The following GALT variants were observed in gnomAD, a reference collection of about 807,000 sequenced individuals.
GALT encodes the protein UDP-glucose--hexose-1-phosphate uridylyltransferase.
A neutral mutation model predicts 55.4 loss-of-function variants in GALT; 42 were observed. The ratio of observed to expected loss-of-function variants is 0.76; its 90% confidence interval spans 0.59 to 0.98. GALT has a LOEUF of 0.98. Ranked by LOEUF, GALT falls within the 50% of genes least tolerant of loss-of-function variation. The pLI is 0.00. For missense variants in GALT, 407 were observed against 495.7 expected (o/e 0.82, Z 1.70); for synonymous variants, 154 against 181.5 (o/e 0.85, Z 1.22).
In GALT at chr9:34,648,664, T is replaced by G. The variant is rs1246530932; in HGVS notation, c.688-98T>G. On this transcript the variant is annotated intron_variant, in intron 7 of 10. Coordinates refer to ENST00000378842, the MANE Select transcript of GALT (RefSeq NM_000155.4). The surrounding 1 kb of genome is among the most constrained non-coding windows in gnomAD (Gnocchi z 4.9). ...GAGGTGGTGAGAAGACATCAGATCC[T>G]GGGCACATTCTTTTCTTCTGCTTCC... The G allele has an allele frequency of 1.3e-6, 2 of 1,543,546 alleles. No homozygotes were observed. The highest frequency in any genetic ancestry group is 1.7e-5 in the Admixed American group (1 of 59,918).
chr9:34,648,936 G>C lies in GALT; in HGVS notation c.820+42G>C. 1 of 1,613,846 alleles carries C rather than the reference G, an allele frequency of 6.2e-7. No individual in the cohort carries two copies. Among genetic ancestry groups the C allele is most frequent in the Non-Finnish European group, 8.5e-7 (1 of 1,179,950 alleles). On this transcript the variant is annotated intron_variant, in intron 8 of 10. Transcript: ENST00000378842. This position sits in a 1 kb window ranked among gnomAD's most constrained non-coding sequence, Gnocchi z 4.9. Reference sequence around the variant, plus strand: ...GGATCCTGGGGCTAGGCACTGGATGGAGGTTGCTCCCAGTAGGGTCAGCAT... The same window carrying C: ...GGATCCTGGGGCTAGGCACTGGATGCAGGTTGCTCCCAGTAGGGTCAGCAT...
In GALT at chr9:34,648,521, G is replaced by A. The variant is rs1486670645; in HGVS notation, c.687+65G>A. 2 of 1,612,044 alleles carry A rather than the reference G, an allele frequency of 1.2e-6. No individual in the cohort carries two copies. The highest frequency in any genetic ancestry group is 1.3e-5 in the African/African-American group (1 of 74,894). Reference sequence around the variant, plus strand: ...AACTTTCTTATCCCATGAGAGAGGTGTGTAAAGGAGAAAGCTAGAGGTGAA... The same window carrying A: ...AACTTTCTTATCCCATGAGAGAGGTATGTAAAGGAGAAAGCTAGAGGTGAA... On this transcript the variant is annotated intron_variant, in intron 7 of 10. Transcript: ENST00000378842. The surrounding 1 kb of genome is among the most constrained non-coding windows in gnomAD (Gnocchi z 4.9).
chr9:34,650,282 CAA>C (rs56121779), intron 10 of GALT, 85 bp from the exon 11 acceptor site: 444 of 576,320 alleles, frequency 7.7e-4, no homozygotes, highest in South Asian at 8.7e-4. Flanking sequence ...GACCTCGTCT[CAA>C]AAAAAAAAAA....
chr9:34,648,930 T>C lies in GALT; in HGVS notation c.820+36T>C. ...CAAGTAGGATCCTGGGGCTAGGCAC[T>C]GGATGGAGGTTGCTCCCAGTAGGGT... On this transcript the variant is annotated intron_variant, in intron 8 of 10. Transcript: ENST00000378842. The surrounding 1 kb of genome is among the most constrained non-coding windows in gnomAD (Gnocchi z 4.9). The C allele has an allele frequency of 3.1e-6, 5 of 1,613,878 alleles. No individual in the cohort carries two copies.
Position 34,649,062 on chromosome 9 carries a change from C to G in GALT, c.885C>G (p.Pro295=), listed in dbSNP as rs1554709446. 6.2e-7 allele frequency: 1 copy of G among 1,614,168 alleles called. No homozygotes were observed. The highest frequency in any genetic ancestry group is 1.1e-5 in the South Asian group (1 of 91,086). The change falls in exon 9 of 11, where the codon CCC becomes CCG. Residue 295 remains proline, a synonymous_variant. Coordinates refer to ENST00000378842, the MANE Select transcript of GALT (RefSeq NM_000155.4). ...ACAACCTCTTTGAGACGTCCTTTCCCTACTCCATGGGCTGGCATGGTGAGG... is the reference window on the plus strand; with the variant it reads ...ACAACCTCTTTGAGACGTCCTTTCCGTACTCCATGGGCTGGCATGGTGAGG... The part of the protein sequence containing the change: ...KYDNLFETSF[P]YSMGWHGAPT...
Position 34,647,712 on chromosome 9 carries a change from A to G in GALT, c.377+7A>G, listed in dbSNP as rs376026879. ...AGTCTGCTCGAGGAGTCTGGTAACTATGGATTTCCCCTCTTACAACTTTCA... is the reference window on the plus strand; with the variant it reads ...AGTCTGCTCGAGGAGTCTGGTAACTGTGGATTTCCCCTCTTACAACTTTCA... On this transcript the variant is annotated splice_region_variant and intron_variant, in intron 4 of 10. Coordinates refer to ENST00000378842, the MANE Select transcript of GALT (RefSeq NM_000155.4). This position sits in a 1 kb window ranked among gnomAD's most constrained non-coding sequence, Gnocchi z 5.6. The G allele has an allele frequency of 2.5e-6, 4 of 1,614,070 alleles. No individual in the cohort carries two copies. Among genetic ancestry groups the G allele is most frequent in the Non-Finnish European group, 2.5e-6 (3 of 1,180,002 alleles).
Position 34,646,691 on chromosome 9 carries a change from C to G in GALT, c.-14C>G. 6.2e-7 allele frequency: 1 copy of G among 1,613,524 alleles called. No homozygotes were observed. The highest frequency in any genetic ancestry group is 8.5e-7 in the Non-Finnish European group (1 of 1,179,902). On this transcript the variant is annotated 5_prime_UTR_variant, in exon 1 of 11. The change creates a new upstream start codon in the 5' untranslated region. Transcript: ENST00000378842. ...CGGCCCTGCAGATTTTCCAGCGGATCCCCCGGTGGCCTCATGTCGCGCAGT... is the reference window on the plus strand; with the variant it reads ...CGGCCCTGCAGATTTTCCAGCGGATGCCCCGGTGGCCTCATGTCGCGCAGT...
Position 34,648,253 on chromosome 9 carries a change from G to C in GALT, c.565-81G>C. ...GACATGGGAACAGGATTAATGGATGGGACAGAGGAAATATGCCAATGATGT... is the reference window on the plus strand; with the variant it reads ...GACATGGGAACAGGATTAATGGATGCGACAGAGGAAATATGCCAATGATGT... On this transcript the variant is annotated intron_variant, in intron 6 of 10. Transcript: ENST00000378842. The surrounding 1 kb of genome is among the most constrained non-coding windows in gnomAD (Gnocchi z 4.9). 6.2e-7 allele frequency: 1 copy of C among 1,613,768 alleles called. No homozygotes were observed. The highest frequency in any genetic ancestry group is 1.7e-4 in the Middle Eastern group (1 of 5,782).
rs1480812243 is a variant in GALT at position 34,647,471 on chromosome 9, C to T, written c.253-21C>T. 2 of 1,613,650 alleles carry T rather than the reference C, an allele frequency of 1.2e-6. No homozygotes were observed. The highest frequency in any genetic ancestry group is 2.2e-5 in the East Asian group (1 of 44,880). ...TGGTGGTATGGGGCAGTGAGTGCTT[C>T]TAGCCTATCCTTGTCGGTAGGTGAA... On this transcript the variant is annotated intron_variant, in intron 2 of 10. Transcript: ENST00000378842. This position sits in a 1 kb window ranked among gnomAD's most constrained non-coding sequence, Gnocchi z 5.6.
At chr9:34,646,886 A>G (rs945275905) in intron 1 of GALT, 100 bp downstream of exon 1, 2 of 1,607,880 alleles carry the variant, frequency 1.2e-6, no homozygotes, top group Non-Finnish European at 1.7e-6. Flanking sequence ...GCTCATCCCG[A>G]GCCAGACCGA....
chr9:34,649,819 T>C (rs1480565096), intron 10 of GALT: 14 of 497,414 alleles, frequency 2.8e-5, no homozygotes, highest in Admixed American at 6.6e-5. Context: ...TGGGCATTCC[T>C]TGGGACTCAG....
At position 34,648,588 on chromosome 9, in the gene GALT, A is replaced by C. The variant is rs1821170985; in HGVS notation, c.687+132A>C. 10 of 1,519,294 alleles carry C rather than the reference A, an allele frequency of 6.6e-6. No individual in the cohort carries two copies. In the South Asian group the frequency reaches 1.1e-4, roughly 17 times the overall value. 94.1% of individuals were successfully genotyped at this position (1,519,294 alleles called of 1,614,324 possible). Reference sequence around the variant, plus strand: ...TGCTAGGAGGCCTTAGCAATAATCCAGTAATCTAAAGGAAAGATGATGGTG... The same window carrying C: ...TGCTAGGAGGCCTTAGCAATAATCCCGTAATCTAAAGGAAAGATGATGGTG... On this transcript the variant is annotated intron_variant, in intron 7 of 10. Transcript: ENST00000378842. This position sits in a 1 kb window ranked among gnomAD's most constrained non-coding sequence, Gnocchi z 4.9.
rs751351126 is a variant in GALT, at chr9:34,648,774, C to T, written c.700C>T (p.Leu234=). ...QELLRKERLV[L]TSEHWLVLVP... ...TCTGTCTTCCTAGGAACGTCTGGTCCTAACCAGTGAGCACTGGTTAGTACT... is the reference window on the plus strand; with the variant it reads ...TCTGTCTTCCTAGGAACGTCTGGTCTTAACCAGTGAGCACTGGTTAGTACT... Residue 234 remains leucine, a synonymous_variant, in exon 8 of 11, where the codon CTA becomes TTA. Transcript: ENST00000378842. This position sits in a 1 kb window ranked among gnomAD's most constrained non-coding sequence, Gnocchi z 4.9. 6.2e-7 allele frequency: 1 copy of T among 1,613,428 alleles called. No homozygotes were observed. Among genetic ancestry groups the T allele is most frequent in the East Asian group, 2.2e-5 (1 of 44,884 alleles).
rs539280694 is a variant in GALT at position 34,648,546 on chromosome 9, A to G, written c.687+90A>G. On this transcript the variant is annotated intron_variant, in intron 7 of 10. Coordinates refer to ENST00000378842, the MANE Select transcript of GALT (RefSeq NM_000155.4). The surrounding 1 kb of genome is among the most constrained non-coding windows in gnomAD (Gnocchi z 4.9). ...GTGTAAAGGAGAAAGCTAGAGGTGA[A>G]CTAGTAGAGAGAGACTTGCTAGGAG... 6 of 1,597,850 alleles carry G rather than the reference A, an allele frequency of 3.8e-6. No individual in the cohort carries two copies. Among genetic ancestry groups the G allele is most frequent in the Admixed American group, 1.7e-5 (1 of 59,972 alleles).
In GALT at chr9:34,648,491, T is replaced by C. The variant is rs1302416572; in HGVS notation, c.687+35T>C. On this transcript the variant is annotated intron_variant, in intron 7 of 10. Coordinates refer to ENST00000378842, the MANE Select transcript of GALT (RefSeq NM_000155.4). This position sits in a 1 kb window ranked among gnomAD's most constrained non-coding sequence, Gnocchi z 4.9. ...AGCCAAGCCCTGTGTCCCCAAGGAGTCCCTAACTTTCTTATCCCATGAGAG... is the reference window on the plus strand; with the variant it reads ...AGCCAAGCCCTGTGTCCCCAAGGAGCCCCTAACTTTCTTATCCCATGAGAG... 3 of 1,613,528 alleles carry C rather than the reference T, an allele frequency of 1.9e-6. No individual in the cohort carries two copies. The highest frequency in any genetic ancestry group is 2.5e-6 in the Non-Finnish European group (3 of 1,179,930).
rs1285950856 is a variant in GALT at position 34,647,750 on chromosome 9, A to G, written c.377+45A>G. The G allele has an allele frequency of 5.0e-6, 8 of 1,614,054 alleles. No homozygotes were observed. Among genetic ancestry groups the G allele is most frequent in the East Asian group, 2.2e-5 (1 of 44,884 alleles). ...CTTACAACTTTCAAACCAGAGTTGG[A>G]GACTCAGCATTGGGGTTCGGCCCTG... On this transcript the variant is annotated intron_variant, in intron 4 of 10. Coordinates refer to ENST00000378842, the MANE Select transcript of GALT (RefSeq NM_000155.4). The surrounding 1 kb of genome is among the most constrained non-coding windows in gnomAD (Gnocchi z 5.6).
chr9:34,649,548 A>C lies in GALT; in HGVS notation c.1043A>C (p.Asp348Ala), dbSNP rs1397229370. ...GAAATGCTTGCTCAGGCTCAGAGGG[A>C]CCTCACCCCTGAGCAGGTCAGGACT... is the stretch of plus-strand genomic sequence containing the variant. ...GYEMLAQAQR[D>A]LTPEQAAERL... is the part of the protein sequence containing the mutation. The change falls in exon 10 of 11, where the codon GAC becomes GCC. Residue 348 changes from aspartate to alanine, a missense_variant. Physicochemically the swap from Asp to Ala is moderately radical, Grantham distance 126 (BLOSUM62 -2). Coordinates refer to ENST00000378842, the MANE Select transcript of GALT (RefSeq NM_000155.4). 1 of 1,614,034 alleles carries C rather than the reference A, an allele frequency of 6.2e-7. No homozygotes were observed. The highest frequency in any genetic ancestry group is 8.5e-7 in the Non-Finnish European group (1 of 1,179,988).
At chr9:34,650,136 A>T (rs1233784100) in intron 10 of GALT, 1 of 523,960 alleles carries the variant, frequency 1.9e-6, no homozygotes, top group African/African-American at 1.9e-5. Flanking sequence ...TTAAAAAGTT[A>T]GCCAGGTATG....
Position 34,647,291 on chromosome 9 carries a change from G to A in GALT, c.252+33G>A, listed in dbSNP as rs766869282. The A allele has an allele frequency of 9.3e-6, 15 of 1,613,634 alleles. No homozygotes were observed. Among genetic ancestry groups the A allele is most frequent in the Non-Finnish European group, 1.3e-5 (15 of 1,179,716 alleles). ...TGTAGAGCCCTGCATCTGCAGGCTGGGCCACGGGGAGTAGTTCCCTCTTAG... is the reference window on the plus strand; with the variant it reads ...TGTAGAGCCCTGCATCTGCAGGCTGAGCCACGGGGAGTAGTTCCCTCTTAG... On this transcript the variant is annotated intron_variant, in intron 2 of 10. Transcript: ENST00000378842. This position sits in a 1 kb window ranked among gnomAD's most constrained non-coding sequence, Gnocchi z 5.6.
Sources: allele counts gnomAD v4.1 joint callset, GRCh38; gene constraint gnomAD v4.1.1; non-coding constraint Gnocchi (gnomAD v3.1); transcripts MANE v1.5; gene names NCBI Gene and HGNC (gene_info 2026-07-23, HGNC 2026-07-21).